The following SLC15A5 variants were observed in gnomAD, a reference collection of about 807,000 sequenced individuals.
The protein encoded by SLC15A5 is solute carrier family 15 member 5.
SLC15A5 carries 58 observed loss-of-function variants against 56.1 expected under a neutral mutation model. The observed-to-expected ratio is 1.03, with a 90% CI of 0.84 to 1.29. The LOEUF is 1.29. Ranked by LOEUF, SLC15A5 falls within the 50% of genes most tolerant of loss-of-function variation. SLC15A5 has a pLI of 0.00. For missense variants in SLC15A5, 681 were observed against 672.1 expected, an observed-to-expected ratio of 1.01 and a Z score of -0.15; for synonymous variants, 264 against 250.5, an observed-to-expected ratio of 1.05 and a Z score of -0.51.
rs770798311 is a variant in SLC15A5, at chr12:16,244,787, C to T, written c.768G>A (p.Leu256=). The T allele has an allele frequency of 1.4e-5, 22 of 1,537,650 alleles. No homozygotes were observed. Among genetic ancestry groups the T allele is most frequent in the Non-Finnish European group, 1.8e-5 (21 of 1,147,024 alleles). The change falls in exon 4 of 9, where the codon CTG becomes CTA. Residue 256 remains leucine, a synonymous_variant. Coordinates refer to ENST00000344941, the MANE Select transcript of SLC15A5 (RefSeq NM_001170798.1). ...IYQSEKRCSL[L]TGVGVLVSAL... ...CACTAACCAACACCCCAACGCCTGT[C>T]AGGAGAGAACAACCTGCAAGTAATC... is the stretch of plus-strand genomic sequence containing the variant.
chr12:16,246,557 ATAG>A (rs1255782553), intron 3 of SLC15A5, among the ~76,000 whole-genome samples: 1 of 152,158 alleles, frequency 6.6e-6, no homozygotes, highest in East Asian at 1.9e-4. Context: ...TGCTGGGTAG[ATAG>A]TAGGGTTATT....
chr12:16,256,159 A>G (rs141403420), intron 3 of SLC15A5, among the ~76,000 whole-genome samples: 7 of 152,336 alleles, frequency 4.6e-5, no homozygotes, highest in East Asian at 1.9e-4. Flanking sequence ...TTGCAAATCT[A>G]TAGATAGAAG....
intron 2 of SLC15A5, among the ~76,000 whole-genome samples, chr12:16,258,534 G>A (rs1226332711): frequency 6.6e-6 from 1 of 152,106 alleles, no homozygotes; most frequent in Admixed American, 6.5e-5. Flanking sequence ...CCATTGCAAA[G>A]AAGAGATCTT....
chr12:16,205,082 C>A (rs1864001012), intron 7 of SLC15A5, among the ~76,000 whole-genome samples: 1 of 151,644 alleles, frequency 6.6e-6, no homozygotes, highest in Non-Finnish European at 1.5e-5. Context: ...TATAAACTGA[C>A]AAAAGAAGAC....
intron 3 of SLC15A5, among the ~76,000 whole-genome samples, chr12:16,252,612 G>T (rs978568485): frequency 6.6e-6 from 1 of 151,970 alleles, no homozygotes; most frequent in Non-Finnish European, 1.5e-5. Flanking sequence ...TGAAAGACTT[G>T]TATAATGGAA....
intron 4 of SLC15A5, among the ~76,000 whole-genome samples, chr12:16,244,166 T>C (rs1827000373): frequency 6.6e-6 from 1 of 152,180 alleles, no homozygotes; most frequent in African/African-American, 2.4e-5. Context: ...GTGGAGGTGG[T>C]ACTCAAATCA....
intron 3 of SLC15A5, among the ~76,000 whole-genome samples, chr12:16,251,701 C>T (rs113103407): frequency 1.3e-3 from 199 of 151,890 alleles, no homozygotes; most frequent in African/African-American, 4.7e-3. Flanking sequence ...CAAAGAAAAG[C>T]CCAGGACCAG....
chr12:16,272,560 C>T lies in SLC15A5; in HGVS notation c.584+1G>A. ...TTTCTCTCCTAGCCAGTGCTACTTA[C>T]CAGTTAAAAAAAGACATCGTTTTTT... On this transcript the variant is annotated splice_donor_variant, in intron 2 of 8. Transcript: ENST00000344941. LOFTEE classifies it high-confidence loss of function. 1 of 1,536,560 alleles carries T rather than the reference C, an allele frequency of 6.5e-7. No individual in the cohort carries two copies. The highest frequency in any genetic ancestry group is 8.7e-7 in the Non-Finnish European group (1 of 1,146,442).
intron 7 of SLC15A5, among the ~76,000 whole-genome samples, chr12:16,212,315 C>T (rs1295551297): frequency 1.3e-5 from 2 of 152,036 alleles, no homozygotes; most frequent in East Asian, 3.9e-4. Flanking sequence ...GTACAATTTC[C>T]TTTTTTTATT....
intron 1 of SLC15A5, among the ~76,000 whole-genome samples, chr12:16,273,578 C>T (rs1409266289): frequency 6.6e-6 from 1 of 151,908 alleles, no homozygotes; most frequent in Non-Finnish European, 1.5e-5. Context: ...ATTGTTTCAT[C>T]TTGGAAAAAC....
chr12:16,264,268 G>C (rs1864671426), intron 2 of SLC15A5, among the ~76,000 whole-genome samples: 1 of 152,192 alleles, frequency 6.6e-6, no homozygotes, highest in Non-Finnish European at 1.5e-5. Flanking sequence ...TCATTTTGGA[G>C]GTTTAAGATT....
At chr12:16,199,351 A>T (rs1254952527) in intron 7 of SLC15A5, among the ~76,000 whole-genome samples, 1 of 150,370 alleles carries the variant, frequency 6.7e-6, no homozygotes, top group Non-Finnish European at 1.5e-5. Flanking sequence ...ATAATCTCAT[A>T]CTATTTAGAG....
Position 16,269,799 on chromosome 12 carries a change from T to G in SLC15A5, c.584+2762A>C, listed in dbSNP as rs895428919. Among the ~76,000 whole-genome samples, 4 of 152,142 alleles carry G rather than the reference T, an allele frequency of 2.6e-5. No individual in the cohort carries two copies. The highest frequency in any genetic ancestry group is 5.9e-5 in the Non-Finnish European group (4 of 68,022). On this transcript the variant is annotated intron_variant, in intron 2 of 8. Transcript: ENST00000344941. This position sits in a 1 kb window ranked among gnomAD's most constrained non-coding sequence, Gnocchi z 4.7. ...CTGTGATATGCAGATAGGATGCAAA[T>G]TATCAGGTGAAGAAAGTAGAGAAAT...
rs1268136300 is a variant in SLC15A5, at chr12:16,188,723, G to T, written c.*945C>A. On this transcript the variant is annotated 3_prime_UTR_variant, in exon 9 of 9. Coordinates refer to ENST00000344941, the MANE Select transcript of SLC15A5 (RefSeq NM_001170798.1). ...TCAAAAAAAGATTTGAGTTAAGGCA[G>T]TCTGTATAGGGGCCAGAAAGATTCA... The T allele has an allele frequency of 2.0e-5, 3 of 152,236 alleles. No individual in the cohort carries two copies. In the East Asian group the frequency reaches 5.8e-4, roughly 29 times the overall value. 9.4% of individuals were successfully genotyped at this position (152,236 alleles called of 1,614,324 possible). A position where few individuals can be genotyped will look rare whatever the true frequency, so the allele number is the denominator to read the frequency against.
rs1315496408 is a variant in SLC15A5, at chr12:16,247,800, C to T, written c.755-3000G>A. Among the ~76,000 whole-genome samples, 8 of 152,046 alleles carry T rather than the reference C, an allele frequency of 5.3e-5. 1 individual carries two copies. In the South Asian group the frequency reaches 1.2e-3, roughly 24 times the overall value. On this transcript the variant is annotated intron_variant, in intron 3 of 8. Transcript: ENST00000344941. The stretch of plus-strand genomic sequence containing the variant: ...ATATAGCTCAAAGTAAGGAACTTGA[C>T]GTTTATCTACAATATTATAGAAAAC...
chr12:16,252,779 T>A (rs1864532269), intron 3 of SLC15A5, among the ~76,000 whole-genome samples: 1 of 152,068 alleles, frequency 6.6e-6, no homozygotes, highest in Admixed American at 6.6e-5. Context: ...TCAATAGCAT[T>A]TTTGCAGAAA....
intron 1 of SLC15A5, among the ~76,000 whole-genome samples, chr12:16,275,386 G>T (rs1048140176): frequency 6.6e-6 from 1 of 152,014 alleles, no homozygotes; most frequent in Admixed American, 6.6e-5. Flanking sequence ...TGGTAAGGTT[G>T]TTGTATGCTA....
At chr12:16,191,166 C>T (rs1387627423) in intron 8 of SLC15A5, among the ~76,000 whole-genome samples, 2 of 152,054 alleles carry the variant, frequency 1.3e-5, no homozygotes, top group Non-Finnish European at 2.9e-5. Context: ...TGATGTGGTA[C>T]ATGTGACAGG....
chr12:16,262,294 G>T (rs560613746), intron 2 of SLC15A5, among the ~76,000 whole-genome samples: 5 of 152,152 alleles, frequency 3.3e-5, no homozygotes, highest in African/African-American at 1.2e-4. Flanking sequence ...TTTAACATTT[G>T]AAATTACCTT....
Sources: gnomAD v4.1 joint callset for allele counts (sites outside exome capture counted in the v4.1 genomes callset) on GRCh38, gnomAD v4.1.1 for gene constraint, Gnocchi (gnomAD v3.1) non-coding constraint, MANE v1.5 for transcripts, NCBI Gene and HGNC (gene_info 2026-07-23, HGNC 2026-07-21) for gene names.